Variants in DSG3 observed in about 807,000 individuals in gnomAD.
The protein encoded by DSG3 is desmoglein-3.
DSG3 carries 63 observed loss-of-function variants against 85.9 expected under a neutral mutation model. The observed-to-expected ratio is 0.73, with a 90% CI of 0.60 to 0.90. The LOEUF is 0.90. DSG3 is among the 40% of genes least tolerant of loss of function. The pLI is 0.00. For synonymous variants in DSG3, 447 were observed against 441.9 expected, an observed-to-expected ratio of 1.01 and a Z score of -0.14; for missense variants, 1,220 against 1,219.9, an observed-to-expected ratio of 1.00 and a Z score of 0.00.
At chr18:31,458,842 G>A (rs2072765830) in intron 4 of DSG3, among the ~76,000 whole-genome samples, 191 bp from the exon 5 acceptor site, 1 of 152,212 alleles carries the variant, frequency 6.6e-6, no homozygotes. Context: ...CATTAGCCTG[G>A]TGGAAGGGGC....
rs756200659 is a variant in DSG3, at chr18:31,457,142, G to A, written c.216+18G>A. 1 of 1,595,816 alleles carries A rather than the reference G, an allele frequency of 6.3e-7. No individual in the cohort carries two copies. Among genetic ancestry groups the A allele is most frequent in the Non-Finnish European group, 8.5e-7 (1 of 1,174,684 alleles). On this transcript the variant is annotated intron_variant, in intron 3 of 15. Coordinates refer to ENST00000257189, the MANE Select transcript of DSG3 (RefSeq NM_001944.3). ...TTGCCAAGGTAAGTTATATCAACAG[G>A]AGCGTATGAGTTTTTAGAATAAATG... is the stretch of plus-strand genomic sequence containing the variant.
chr18:31,456,569 A>C, intron 2 of DSG3, 94 bp downstream of exon 2: 1 of 606,504 alleles, frequency 1.6e-6, no homozygotes, highest in Non-Finnish European at 2.5e-6. Context: ...TTAATTTCTA[A>C]AATTATTCAA....
At chr18:31,457,568 TCTTTCTTTCTTTCTTTC>T (rs1330155239) in intron 3 of DSG3, among the ~76,000 whole-genome samples, 2 of 104,100 alleles carry the variant, frequency 1.9e-5, no homozygotes, top group African/African-American at 1.1e-4. Context: ...TTTCTTTCTT[TCTTTCTTTCTTTCTTTC>T]TTCTTTCTTT....
chr18:31,466,540 T>C lies in DSG3; in HGVS notation c.1422T>C (p.Gly474=). The C allele has an allele frequency of 6.2e-7, 1 of 1,614,128 alleles. No homozygotes were observed. The highest frequency in any genetic ancestry group is 8.5e-7 in the Non-Finnish European group (1 of 1,179,972). The part of the protein sequence containing the change: ...AEVLAIDEYT[G]KTSTGTVYVR... ...ACATTGTTCTTACAGAATACACGGG[T>C]AAAACTTCTACAGGCACGGTATATG... Residue 474 remains glycine (G), a synonymous_variant, in exon 11 of 16, where the codon GGT becomes GGC. Coordinates refer to ENST00000257189, the MANE Select transcript of DSG3 (RefSeq NM_001944.3).
In DSG3 at chr18:31,466,540, T is replaced by G; in HGVS notation, c.1422T>G (p.Gly474=). The change falls in exon 11 of 16, where the codon GGT becomes GGG. Residue 474 remains glycine (G), a synonymous_variant. Coordinates refer to ENST00000257189, the MANE Select transcript of DSG3 (RefSeq NM_001944.3). ...AEVLAIDEYT[G]KTSTGTVYVR... Reference sequence around the variant, plus strand: ...ACATTGTTCTTACAGAATACACGGGTAAAACTTCTACAGGCACGGTATATG... The same window carrying G: ...ACATTGTTCTTACAGAATACACGGGGAAAACTTCTACAGGCACGGTATATG... 3 of 1,614,128 alleles carry G rather than the reference T, an allele frequency of 1.9e-6. No individual in the cohort carries two copies. Among genetic ancestry groups the G allele is most frequent in the Non-Finnish European group, 2.5e-6 (3 of 1,179,972 alleles).
At chr18:31,473,179 A>G (rs1044918229) in intron 14 of DSG3, among the ~76,000 whole-genome samples, 2 of 152,228 alleles carry the variant, frequency 1.3e-5, no homozygotes, top group Admixed American at 6.5e-5. Flanking sequence ...TTTTCCAAAC[A>G]TTAGTCATAT....
intron 9 of DSG3, 58 bp downstream of exon 9, chr18:31,464,440 C>A: frequency 6.8e-7 from 1 of 1,479,530 alleles, no homozygotes; most frequent in Non-Finnish European, 9.1e-7. Flanking sequence ...TATAAGCTAT[C>A]ACAACATAAC....
chr18:31,460,828 A>C lies in DSG3; in HGVS notation c.685-5A>C, dbSNP rs371678339. 18 of 1,568,418 alleles carry C rather than the reference A, an allele frequency of 1.1e-5. No homozygotes were observed. In the South Asian group the frequency reaches 2.2e-4, roughly 19 times the overall value. On this transcript the variant is annotated splice_region_variant and splice_polypyrimidine_tract_variant and intron_variant, in intron 6 of 15. Transcript: ENST00000257189. ...TATTTTTCTTTATTTTTTATCCAAA[A>C]TTAGCAAGCTAGCAGCTATCGTCTG...
rs377534879 is a variant in DSG3 at position 31,457,056 on chromosome 18, G to C, written c.148G>C (p.Glu50Gln). 19 of 1,613,206 alleles carry C rather than the reference G, an allele frequency of 1.2e-5. No individual in the cohort carries two copies. Among genetic ancestry groups the C allele is most frequent in the Non-Finnish European group, 1.6e-5 (19 of 1,179,658 alleles). Residue 50 changes from glutamate (E) to glutamine (Q), a missense_variant, in exon 3 of 16, where the codon GAA becomes CAA. Transcript: ENST00000257189. ...MQQAKRRQKR[E>Q]WVKFAKPCRE... is the part of the protein sequence containing the mutation. The stretch of plus-strand genomic sequence containing the variant: ...ACAAGCTAAAAGAAGGCAAAAACGT[G>C]AATGGGTGAAATTTGCCAAACCCTG...
chr18:31,469,299 T>C lies in DSG3; in HGVS notation c.1847T>C (p.Leu616Pro). The C allele has an allele frequency of 6.2e-7, 1 of 1,613,810 alleles. No homozygotes were observed. The stretch of plus-strand genomic sequence containing the variant: ...TATGGCAGGCCGCACTCAGGGAGGC[T>C]GGGGCCTGCCGCCATCGGCCTGCTG... ...TRYGRPHSGRLGPAAIGLLLL... is the reference protein window; with the variant it reads ...TRYGRPHSGRPGPAAIGLLLL... Residue 616 changes from leucine (L) to proline (P), a missense_variant, in exon 12 of 16, where the codon CTG becomes CCG. Physicochemically the swap from Leu to Pro is moderately conservative, Grantham distance 98. Transcript: ENST00000257189.
chr18:31,462,297 C>G (rs916793940), intron 8 of DSG3, among the ~76,000 whole-genome samples: 1 of 152,182 alleles, frequency 6.6e-6, no homozygotes, highest in Non-Finnish European at 1.5e-5. Flanking sequence ...GTCTCGAACT[C>G]CTGATCTCAA....
At chr18:31,458,980 T>C in intron 4 of DSG3, 53 bp from the exon 5 acceptor site, 1 of 1,585,994 alleles carries the variant, frequency 6.3e-7, no homozygotes, top group Non-Finnish European at 8.6e-7. Flanking sequence ...CAAGTTTTAA[T>C]AGTATGAAAA....
chr18:31,466,162 T>A (rs2072817157), intron 10 of DSG3, among the ~76,000 whole-genome samples: 1 of 152,170 alleles, frequency 6.6e-6, no homozygotes, highest in Non-Finnish European at 1.5e-5. Flanking sequence ...ATAAAAAATG[T>A]GTGCTTTAGA....
At chr18:31,460,524 T>A (rs937061682) in intron 6 of DSG3, among the ~76,000 whole-genome samples, 1 of 152,172 alleles carries the variant, frequency 6.6e-6, no homozygotes, top group African/African-American at 2.4e-5. Flanking sequence ...GACCCCATAT[T>A]ATTTTTGTAC....
At position 31,477,756 on chromosome 18, in the gene DSG3, A is replaced by G. The variant is rs2298613; in HGVS notation, c.*1496A>G. 61,826 of 151,920 alleles carry G rather than the reference A, an allele frequency of 0.41. 12,984 individuals are homozygous for G. The highest frequency in any genetic ancestry group is 0.48 in the African/African-American group (19,765 of 41,436). 9.4% of individuals were successfully genotyped at this position (151,920 alleles called of 1,614,324 possible). A position where few individuals can be genotyped will look rare whatever the true frequency, so the allele number is the denominator to read the frequency against. Reference sequence around the variant, plus strand: ...TCATTTCTGGTCATTCAAGATATTCACCCTTTTGCCCATAGAAAGCACCCT... The same window carrying G: ...TCATTTCTGGTCATTCAAGATATTCGCCCTTTTGCCCATAGAAAGCACCCT... On this transcript the variant is annotated 3_prime_UTR_variant, in exon 16 of 16. Transcript: ENST00000257189.
intron 1 of DSG3, among the ~76,000 whole-genome samples, chr18:31,455,229 G>A (rs1369538909): frequency 6.6e-6 from 1 of 151,694 alleles, no homozygotes; most frequent in Admixed American, 6.6e-5. Flanking sequence ...TAAGTATAAA[G>A]CTCTAGGAGT....
chr18:31,478,120 A>C lies in DSG3; in HGVS notation c.*1860A>C, dbSNP rs2072900563. 1 of 152,162 alleles carries C rather than the reference A, an allele frequency of 6.6e-6. No homozygotes were observed. The highest frequency in any genetic ancestry group is 1.5e-5 in the Non-Finnish European group (1 of 68,042). 9.4% of individuals were successfully genotyped at this position (152,162 alleles called of 1,614,324 possible). A position where few individuals can be genotyped will look rare whatever the true frequency, so the allele number is the denominator to read the frequency against. ...CTTCCACAGATGGGGGTGCTGCTGCAACAAGGCTTTCAATGTGCCCATCTT... is the reference window on the plus strand; with the variant it reads ...CTTCCACAGATGGGGGTGCTGCTGCCACAAGGCTTTCAATGTGCCCATCTT... On this transcript the variant is annotated 3_prime_UTR_variant, in exon 16 of 16. Transcript: ENST00000257189.
rs2072884480 is a variant in DSG3 at position 31,475,963 on chromosome 18, G to T, written c.2703G>T (p.Leu901Phe). 1 of 1,614,194 alleles carries T rather than the reference G, an allele frequency of 6.2e-7. No homozygotes were observed. The highest frequency in any genetic ancestry group is 1.3e-5 in the African/African-American group (1 of 75,054). Residue 901 changes from leucine to phenylalanine, a missense_variant, in exon 16 of 16, where the codon TTG becomes TTT. By Grantham distance (22) the Leu-to-Phe change is conservative. Transcript: ENST00000257189. Reference sequence around the variant, plus strand: ...CAGGATTTGTTAAGTGCCAGACTTTGTCAGGAAGTCAAGGAGCTTCTGCTT... The same window carrying T: ...CAGGATTTGTTAAGTGCCAGACTTTTTCAGGAAGTCAAGGAGCTTCTGCTT... ...QQTGFVKCQT[L>F]SGSQGASALS...
intron 1 of DSG3, among the ~76,000 whole-genome samples, chr18:31,455,088 G>T (rs1395895900): frequency 2.0e-5 from 3 of 151,472 alleles, no homozygotes; most frequent in Non-Finnish European, 4.4e-5. Context: ...TACTGCGGTC[G>T]CTATCCTATT....
Sources: allele counts gnomAD v4.1 joint callset (sites outside exome capture counted in the v4.1 genomes callset), GRCh38; gene constraint gnomAD v4.1.1; transcripts MANE v1.5; gene names NCBI Gene and HGNC (gene_info 2026-07-23, HGNC 2026-07-21).